The following RBM47 variants were observed in gnomAD, a reference collection of about 807,000 sequenced individuals.
The protein encoded by RBM47 is RNA-binding protein 47.
RBM47 carries 21 observed loss-of-function variants against 47.1 expected under a neutral mutation model. The observed-to-expected ratio is 0.45, with a 90% CI of 0.32 to 0.64. The LOEUF is 0.64. Among genes scored for constraint, RBM47 ranks in the 30% least tolerant of loss-of-function variants. The pLI is 0.05. For synonymous variants in RBM47, 375 were observed against 361.7 expected, an observed-to-expected ratio of 1.04 and a Z score of -0.42; for missense variants, 708 against 870.9, an observed-to-expected ratio of 0.81 and a Z score of 2.35.
In RBM47 at chr4:40,496,329, A is replaced by AACACAC. The variant is rs10597716; in HGVS notation, c.-154-29636_-154-29631dup. On this transcript the variant is annotated intron_variant, in intron 2 of 6. Coordinates refer to ENST00000295971, the MANE Select transcript of RBM47 (RefSeq NM_001098634.2). ...TTCTGTATCTTGGCTGGAGAACTTA[A>AACACAC]ACACACACACACACACACACACACA... Among the ~76,000 whole-genome samples, 700 of 129,290 alleles carry AACACAC rather than the reference A, an allele frequency of 5.4e-3. 2 individuals are homozygous for AACACAC. Among genetic ancestry groups the AACACAC allele is most frequent in the Middle Eastern group, 0.014 (4 of 278 alleles). The allele number at this position is 129,290 out of a possible 152,430, so 84.8% of individuals were successfully genotyped here.
intron 1 of RBM47, among the ~76,000 whole-genome samples, chr4:40,562,772 T>C (rs1421893148): frequency 6.6e-6 from 1 of 152,168 alleles, no homozygotes; most frequent in African/African-American, 2.4e-5. Flanking sequence ...AGCCGAAATA[T>C]TTCCTTTCTG....
chr4:40,594,353 TA>T (rs1315554872), intron 1 of RBM47, among the ~76,000 whole-genome samples: 1 of 152,198 alleles, frequency 6.6e-6, no homozygotes. Context: ...TGTACTGAGA[TA>T]GCAAATCTGC....
intron 1 of RBM47, among the ~76,000 whole-genome samples, chr4:40,583,869 A>C (rs1733266180): frequency 1.8e-5 from 1 of 56,788 alleles, no homozygotes. Context: ...AAAAAAAAAA[A>C]ACAAAAAACA....
At chr4:40,454,909 A>G (rs773119394) in intron 3 of RBM47, among the ~76,000 whole-genome samples, 1 of 152,200 alleles carries the variant, frequency 6.6e-6, no homozygotes, top group Non-Finnish European at 1.5e-5. Context: ...CTACCATGAT[A>G]CTCATTCTTT....
In RBM47 at chr4:40,438,525, C is replaced by T; in HGVS notation, c.369G>A (p.Glu123=). 13 of 1,613,840 alleles carry T rather than the reference C, an allele frequency of 8.1e-6. No individual in the cohort carries two copies. Among genetic ancestry groups the T allele is most frequent in the Non-Finnish European group, 1.0e-5 (12 of 1,179,932 alleles). Residue 123 remains glutamate (E), a synonymous_variant, in exon 4 of 7, where the codon GAG becomes GAA. Coordinates refer to ENST00000295971, the MANE Select transcript of RBM47 (RefSeq NM_001098634.2). The stretch of plus-strand genomic sequence containing the variant: ...TGAGCTCACGCACTGCGCGCTTGGC[C>T]TCGTGCTTGTGGCAGTACATGACGA... ...YAFVMYCHKH[E]AKRAVRELNN...
chr4:40,561,366 G>A (rs1296634754), intron 1 of RBM47, among the ~76,000 whole-genome samples: 3 of 151,054 alleles, frequency 2.0e-5, no homozygotes, highest in South Asian at 2.1e-4. Flanking sequence ...TAAGTAGCTC[G>A]GATTACAGGC....
chr4:40,594,269 G>A (rs1734554701), intron 1 of RBM47, among the ~76,000 whole-genome samples: 1 of 152,104 alleles, frequency 6.6e-6, no homozygotes, highest in South Asian at 2.1e-4. Context: ...TGAGGCCATT[G>A]CACACTGCTT....
rs1378084435 is a variant in RBM47, at chr4:40,437,842, G to T, written c.1052C>A (p.Pro351His). 1 of 1,613,958 alleles carries T rather than the reference G, an allele frequency of 6.2e-7. No individual in the cohort carries two copies. Among genetic ancestry groups the T allele is most frequent in the African/African-American group, 1.3e-5 (1 of 74,936 alleles). ...QQPSYVYSCD[P>H]YTLAYYGYPY... is the part of the protein sequence containing the mutation. ...GTAGCCGTAGTAGGCCAGTGTGTAGGGGTCGCAGGAGTACACGTAGCTGGG... is the reference window on the plus strand; with the variant it reads ...GTAGCCGTAGTAGGCCAGTGTGTAGTGGTCGCAGGAGTACACGTAGCTGGG... Residue 351 changes from proline to histidine, a missense_variant, in exon 4 of 7, where the codon CCC becomes CAC. By Grantham distance (77) the Pro-to-His change is moderately conservative. Transcript: ENST00000295971.
At chr4:40,551,647 T>C (rs1729569701) in intron 1 of RBM47, among the ~76,000 whole-genome samples, 1 of 146,360 alleles carries the variant, frequency 6.8e-6, no homozygotes, top group African/African-American at 2.6e-5. Flanking sequence ...TAGCGTACTT[T>C]TCTTTTTTTT....
intron 2 of RBM47, among the ~76,000 whole-genome samples, chr4:40,480,595 T>G (rs541663995): frequency 7.3e-4 from 111 of 152,258 alleles, no homozygotes; most frequent in African/African-American, 2.6e-3. Flanking sequence ...GTTCAATGAA[T>G]GAAACCATAA....
intron 2 of RBM47, among the ~76,000 whole-genome samples, chr4:40,519,837 T>C (rs1426967286): frequency 4.0e-5 from 6 of 151,796 alleles, no homozygotes; most frequent in Non-Finnish European, 1.5e-5. Flanking sequence ...GCCCAGCTAA[T>C]TTTTGTATTT....
At chr4:40,503,983 G>A (rs918547034) in intron 2 of RBM47, among the ~76,000 whole-genome samples, 2 of 151,902 alleles carry the variant, frequency 1.3e-5, no homozygotes, top group African/African-American at 4.8e-5. Context: ...GGCCAGCCTG[G>A]GCAACATAGT....
chr4:40,526,010 C>CAAGAAG (rs1378680141), intron 2 of RBM47, among the ~76,000 whole-genome samples: 8 of 152,182 alleles, frequency 5.3e-5, no homozygotes, highest in Middle Eastern at 6.8e-3. Context: ...GGAGAGGCAA[C>CAAGAAG]AAGAAGAAAA....
intron 1 of RBM47, among the ~76,000 whole-genome samples, chr4:40,568,599 G>A (rs187437099): frequency 2.5e-4 from 38 of 151,944 alleles, no homozygotes; most frequent in Admixed American, 2.2e-3. Context: ...TTTTAAGTGG[G>A]AGAGGAACTA....
chr4:40,446,873 T>C (rs1339254689), intron 3 of RBM47, among the ~76,000 whole-genome samples: 7 of 152,132 alleles, frequency 4.6e-5, no homozygotes, highest in Non-Finnish European at 8.8e-5. Flanking sequence ...CAGCCAACTT[T>C]AAACCAGTCA....
intron 3 of RBM47, among the ~76,000 whole-genome samples, chr4:40,446,463 C>T (rs974490578): frequency 2.6e-5 from 4 of 152,170 alleles, no homozygotes; most frequent in Admixed American, 6.5e-5. Flanking sequence ...TAAGGCTGGG[C>T]GTGGTGACTC....
chr4:40,540,649 A>AT (rs1728429832), intron 2 of RBM47, among the ~76,000 whole-genome samples: 2 of 110,176 alleles, frequency 1.8e-5, no homozygotes, highest in East Asian at 2.7e-4. Context: ...AAAAAAAAAA[A>AT]AAAATAATAA....
chr4:40,601,821 A>G (rs1293942223), intron 1 of RBM47, among the ~76,000 whole-genome samples: 1 of 152,224 alleles, frequency 6.6e-6, no homozygotes, highest in Non-Finnish European at 1.5e-5. Flanking sequence ...CAGGCCTTAA[A>G]GGAAATTGTT....
chr4:40,490,502 C>T (rs1252003538), intron 2 of RBM47, among the ~76,000 whole-genome samples: 3 of 151,920 alleles, frequency 2.0e-5, no homozygotes, highest in African/African-American at 4.8e-5. Context: ...AATGAACAAA[C>T]TAAAATATAA....
Sources: allele counts gnomAD v4.1 joint callset (sites outside exome capture counted in the v4.1 genomes callset), GRCh38; gene constraint gnomAD v4.1.1; transcripts MANE v1.5; gene names NCBI Gene and HGNC (gene_info 2026-07-23, HGNC 2026-07-21).